AUTS2: variants seen among roughly 807,000 people sequenced by gnomAD.
AUTS2 encodes the protein activator of transcription and developmental regulator AUTS2.
AUTS2 carries 17 observed loss-of-function variants against 112.4 expected under a neutral mutation model. The observed-to-expected ratio is 0.15, with a 90% CI of 0.10 to 0.23. The LOEUF (loss-of-function observed/expected upper bound fraction) is 0.23. Among genes scored for constraint, AUTS2 ranks in the 10% least tolerant of loss-of-function variants. The pLI is 1.00. For missense variants in AUTS2, 1,510 were observed against 1,701.6 expected (o/e 0.89, Z 1.98); for synonymous variants, 751 against 702.7 (o/e 1.07, Z -1.09).
chr7:70,679,893 CATTT>C, intron 5 of AUTS2, among the ~76,000 whole-genome samples: 1 of 152,306 alleles, frequency 6.6e-6, no homozygotes, highest in East Asian at 1.9e-4. Flanking sequence ...TGTGATGACA[CATTT>C]ACCCTTTTGG....
chr7:70,474,846 G>A (rs571560184), intron 5 of AUTS2, among the ~76,000 whole-genome samples: 8 of 152,292 alleles, frequency 5.3e-5, no homozygotes, highest in East Asian at 1.9e-4. Flanking sequence ...ACTTTATGAC[G>A]GAAGCTGTTG....
chr7:70,782,696 G>A (rs528274978), intron 15 of AUTS2: 17 of 152,246 alleles, frequency 1.1e-4, no homozygotes, highest in East Asian at 3.9e-4. Flanking sequence ...TCTTCTGGAC[G>A]TAAGCAGTCA....
At chr7:70,311,531 C>G (rs986456881) in intron 4 of AUTS2, among the ~76,000 whole-genome samples, 2 of 152,126 alleles carry the variant, frequency 1.3e-5, no homozygotes, top group African/African-American at 4.8e-5. Flanking sequence ...GGGGAAATCT[C>G]TTTTTGTTGT....
At chr7:70,351,939 G>A (rs1300064909) in intron 4 of AUTS2, among the ~76,000 whole-genome samples, 1 of 152,140 alleles carries the variant, frequency 6.6e-6, no homozygotes, top group Non-Finnish European at 1.5e-5. Context: ...CTGACCTCAG[G>A]TGATCCACCT....
intron 1 of AUTS2, among the ~76,000 whole-genome samples, chr7:69,798,843 T>C (rs1283571991): frequency 6.6e-6 from 1 of 152,016 alleles, no homozygotes; most frequent in East Asian, 1.9e-4. Context: ...ATTAAAATTT[T>C]AGCTGGGTGT....
Position 70,514,463 on chromosome 7 carries a change from A to G in AUTS2, c.690+78682A>G, listed in dbSNP as rs73450517. On this transcript the variant is annotated intron_variant, in intron 5 of 18. Transcript: ENST00000342771. ...AAGAAAGCAAAGAGGGAGCCAATGT[A>G]TCACAGGGGAAGAGAGGGAGCAAAA... Among the ~76,000 whole-genome samples the G allele has an allele frequency of 8.5e-3, 1,302 of 152,368 alleles. 20 individuals are homozygous for G. Among genetic ancestry groups the G allele is most frequent in the African/African-American group, 0.03 (1,235 of 41,594 alleles).
At chr7:70,000,655 A>C (rs913362391) in intron 2 of AUTS2, among the ~76,000 whole-genome samples, 3 of 152,194 alleles carry the variant, frequency 2.0e-5, no homozygotes, top group African/African-American at 7.2e-5. Flanking sequence ...GAACTGAGAA[A>C]TGTGTGTTTC....
At chr7:70,496,465 T>A (rs1230391964) in intron 5 of AUTS2, among the ~76,000 whole-genome samples, 67 of 54,566 alleles carry the variant, frequency 1.2e-3, no homozygotes, top group Admixed American at 2.5e-3. Context: ...ACGTACACAG[T>A]CACACACACA....
chr7:69,876,342 AAAAAAAAATATATATATATATAT>A (rs1420117179), intron 1 of AUTS2, among the ~76,000 whole-genome samples: 1 of 87,968 alleles, frequency 1.1e-5, no homozygotes, highest in Non-Finnish European at 2.2e-5. Flanking sequence ...AAAAAAAAAA[AAAAAAAAATATATATATATATAT>A]ATATATATAT....
chr7:70,392,742 G>C (rs1276764075), intron 4 of AUTS2, among the ~76,000 whole-genome samples: 1 of 152,168 alleles, frequency 6.6e-6, no homozygotes, highest in African/African-American at 2.4e-5. Flanking sequence ...GATTCAGTTT[G>C]CCATTGGTAC....
intron 5 of AUTS2, among the ~76,000 whole-genome samples, chr7:70,540,584 A>C (rs772279006): frequency 1.3e-5 from 2 of 152,138 alleles, no homozygotes; most frequent in South Asian, 4.1e-4. Context: ...GTTGAAGATC[A>C]CGTGCTGTGT....
intron 4 of AUTS2, among the ~76,000 whole-genome samples, chr7:70,376,523 CA>C (rs1226566448): frequency 1.3e-5 from 2 of 151,882 alleles, no homozygotes; most frequent in African/African-American, 4.8e-5. Context: ...CCTGGGTGGG[CA>C]TGAGTATCAG....
chr7:70,701,277 G>A (rs1809442590), intron 6 of AUTS2, among the ~76,000 whole-genome samples: 1 of 152,228 alleles, frequency 6.6e-6, no homozygotes, highest in African/African-American at 2.4e-5. Flanking sequence ...CTGATGTTGG[G>A]CTGCACAGTG....
At chr7:69,957,171 T>C (rs1213240771) in intron 2 of AUTS2, among the ~76,000 whole-genome samples, 1 of 151,582 alleles carries the variant, frequency 6.6e-6, no homozygotes, top group Non-Finnish European at 1.5e-5. Context: ...CCACCGCAAC[T>C]GGCAGAGAGC....
intron 1 of AUTS2, among the ~76,000 whole-genome samples, chr7:69,757,723 T>C (rs1350937130): frequency 6.6e-6 from 1 of 152,206 alleles, no homozygotes; most frequent in Non-Finnish European, 1.5e-5. Flanking sequence ...AATGTTCTTT[T>C]ACCGCCCCCT....
At chr7:69,984,693 G>A (rs1798435294) in intron 2 of AUTS2, among the ~76,000 whole-genome samples, 1 of 152,112 alleles carries the variant, frequency 6.6e-6, no homozygotes, top group Non-Finnish European at 1.5e-5. Flanking sequence ...TCCTTTCCCT[G>A]TCCTGGAGCA....
At chr7:69,967,253 C>T (rs951573946) in intron 2 of AUTS2, among the ~76,000 whole-genome samples, 2 of 152,106 alleles carry the variant, frequency 1.3e-5, no homozygotes, top group African/African-American at 4.8e-5. Flanking sequence ...GAGGGGAGTG[C>T]TGGAATTCAT....
At chr7:69,605,373 T>A (rs567370532) in intron 1 of AUTS2, among the ~76,000 whole-genome samples, 1 of 152,352 alleles carries the variant, frequency 6.6e-6, no homozygotes, top group Admixed American at 6.5e-5. Flanking sequence ...TCCCCTTTCC[T>A]GCCTGACATC....
chr7:70,073,837 G>T (rs1802903164), intron 2 of AUTS2, among the ~76,000 whole-genome samples: 1 of 152,134 alleles, frequency 6.6e-6, no homozygotes, highest in South Asian at 2.1e-4. Context: ...GGCCAATACT[G>T]GGGAAATATG....
Sources: allele counts gnomAD v4.1 joint callset (sites outside exome capture counted in the v4.1 genomes callset), GRCh38; gene constraint gnomAD v4.1.1; transcripts MANE v1.5; gene names NCBI Gene and HGNC (gene_info 2026-07-23, HGNC 2026-07-21).